The following DCN variants were observed in gnomAD, a reference collection of about 807,000 sequenced individuals.
The protein encoded by DCN is bone proteoglycan II.
In DCN, 17 loss-of-function variants were observed where a neutral mutation model predicts 36.5. The observed-to-expected ratio is 0.47, with a 90% CI of 0.32 to 0.70. The LOEUF (loss-of-function observed/expected upper bound fraction) is 0.70, where lower values mean the gene tolerates loss of function less well. Ranked by LOEUF, DCN falls within the 30% of genes least tolerant of loss-of-function variation. The pLI, the probability that DCN is intolerant of heterozygous loss-of-function variation, is 0.04. For missense variants in DCN, 389 were observed against 430.1 expected, an observed-to-expected ratio of 0.90 and a Z score of 0.84; for synonymous variants, 163 against 161.4, an observed-to-expected ratio of 1.01 and a Z score of -0.07.
chr12:91,157,286 G>C (rs1881849201), intron 4 of DCN, 98 bp from the exon 5 acceptor site: 1 of 854,422 alleles, frequency 1.2e-6, no homozygotes, highest in South Asian at 1.4e-5. Flanking sequence ...AAGAAATAGG[G>C]ATTAATATCA....
intron 7 of DCN, among the ~76,000 whole-genome samples, chr12:91,146,942 T>C (rs758178639): frequency 1.2e-4 from 19 of 152,198 alleles, no homozygotes; most frequent in Non-Finnish European, 2.5e-4. Flanking sequence ...CATTGTTTCC[T>C]TCCAAATGAT....
intron 7 of DCN, among the ~76,000 whole-genome samples, chr12:91,148,219 G>A (rs915927725): frequency 6.6e-5 from 10 of 151,798 alleles, no homozygotes; most frequent in African/African-American, 2.4e-4. Flanking sequence ...GACTACAGGC[G>A]CCCACCACCA....
chr12:91,176,064 A>G (rs1175937972), intron 2 of DCN: 1 of 152,150 alleles, frequency 6.6e-6, no homozygotes, highest in Non-Finnish European at 1.5e-5. Context: ...GAAGAGTTAG[A>G]TAATAGTTAA....
intron 3 of DCN, among the ~76,000 whole-genome samples, chr12:91,159,669 G>A (rs937303607): frequency 1.3e-5 from 2 of 150,962 alleles, no homozygotes; most frequent in African/African-American, 2.4e-5. Flanking sequence ...TTTTATTTCT[G>A]AGTTCTCCTT....
chr12:91,182,525 A>G (rs1268633808), intron 1 of DCN, 130 bp downstream of exon 1: 1 of 151,962 alleles, frequency 6.6e-6, no homozygotes, highest in East Asian at 1.9e-4. Flanking sequence ...AATGTTGCAT[A>G]AAAACTATAA....
At chr12:91,181,150 G>A (rs1156541588) in intron 1 of DCN, among the ~76,000 whole-genome samples, 4 of 117,146 alleles carry the variant, frequency 3.4e-5, no homozygotes, top group Non-Finnish European at 6.8e-5. Flanking sequence ...GTGTGTGTGT[G>A]AGAGAGAGAG....
chr12:91,161,440 T>C (rs1466081923), intron 3 of DCN, among the ~76,000 whole-genome samples: 3 of 152,248 alleles, frequency 2.0e-5, no homozygotes, highest in African/African-American at 4.8e-5. Context: ...AAAAATATTT[T>C]AGTAATCTAA....
chr12:91,168,405 T>A (rs1393245803), intron 2 of DCN, among the ~76,000 whole-genome samples: 1 of 152,240 alleles, frequency 6.6e-6, no homozygotes, highest in Non-Finnish European at 1.5e-5. Flanking sequence ...CATAGATGTA[T>A]AAGTTTAAAC....
intron 2 of DCN, chr12:91,172,360 A>C (rs950380358): frequency 5.2e-5 from 8 of 154,966 alleles, no homozygotes; most frequent in Non-Finnish European, 1.1e-4. Flanking sequence ...TCTGTATTCA[A>C]CTTCATAATT....
intron 2 of DCN, among the ~76,000 whole-genome samples, chr12:91,168,447 G>C (rs2121273389): frequency 6.6e-6 from 1 of 152,220 alleles, no homozygotes; most frequent in African/African-American, 2.4e-5. Context: ...GTCTTTGTTT[G>C]TTTTGTTAGT....
rs1019736063 is a variant in DCN, at chr12:91,142,177, G to C, written c.*3881C>G. 2 of 152,104 alleles carry C rather than the reference G, an allele frequency of 1.3e-5. No homozygotes were observed. Among genetic ancestry groups the C allele is most frequent in the African/African-American group, 4.8e-5 (2 of 41,414 alleles). The allele number at this position is 152,104 out of a possible 1,614,324, so 9.4% of individuals were successfully genotyped here. ...GCAATAAGTGTGGAAACTTAAAATT[G>C]AGCAGCAAAATCAAGAGTGAAATAA... On this transcript the variant is annotated 3_prime_UTR_variant, in exon 8 of 8. Coordinates refer to ENST00000052754, the MANE Select transcript of DCN (RefSeq NM_001920.5).
At chr12:91,159,549 A>G (rs757068069) in intron 3 of DCN, among the ~76,000 whole-genome samples, 1 of 152,088 alleles carries the variant, frequency 6.6e-6, no homozygotes, top group Non-Finnish European at 1.5e-5. Flanking sequence ...GATATGGTCA[A>G]TATGACACAG....
In DCN at chr12:91,157,087, T is replaced by C. The variant is rs1237519767; in HGVS notation, c.640A>G (p.Ser214Gly). The C allele has an allele frequency of 6.3e-7, 1 of 1,590,684 alleles. No individual in the cohort carries two copies. The highest frequency in any genetic ancestry group is 1.7e-5 in the Admixed American group (1 of 59,976). ...AATCTTCTATCACCTTGAGGAATGCTGGTGATATTGGTATCAGCAATGCGG... is the reference window on the plus strand; with the variant it reads ...AATCTTCTATCACCTTGAGGAATGCCGGTGATATTGGTATCAGCAATGCGG... The part of the protein sequence containing the change: ...YIRIADTNIT[S>G]IPQGLPPSLT... Residue 214 changes from serine to glycine, a missense_variant, in exon 5 of 8, where the codon AGC (serine) becomes GGC (glycine). Physicochemically the swap from Ser to Gly is moderately conservative, Grantham distance 56. Transcript: ENST00000052754.
Position 91,178,438 on chromosome 12 carries a change from C to T in DCN, c.115G>A (p.Glu39Lys), listed in dbSNP as rs1484418785. 6 of 1,613,830 alleles carry T rather than the reference C, an allele frequency of 3.7e-6. No individual in the cohort carries two copies. In the South Asian group the frequency reaches 6.6e-5, roughly 18 times the overall value. ...LEDEASGIGP[E>K]VPDDRDFEPS... ...TCGAAGTCGCGGTCATCAGGAACTTCTGGGCCTATCCCAGAAGCCTCATCT... is the reference window on the plus strand; with the variant it reads ...TCGAAGTCGCGGTCATCAGGAACTTTTGGGCCTATCCCAGAAGCCTCATCT... Residue 39 changes from glutamate (E) to lysine (K), a missense_variant, in exon 2 of 8, where the codon GAA (glutamate) becomes AAA (lysine). By Grantham distance (56) the Glu-to-Lys change is moderately conservative. Transcript: ENST00000052754.
chr12:91,176,196 T>C (rs1883278291), intron 2 of DCN: 1 of 152,156 alleles, frequency 6.6e-6, no homozygotes, highest in African/African-American at 2.4e-5. Flanking sequence ...TATTCATCTG[T>C]AAATTTTAAA....
intron 2 of DCN, among the ~76,000 whole-genome samples, chr12:91,165,543 A>G (rs533202582): frequency 6.6e-6 from 1 of 152,274 alleles, no homozygotes; most frequent in South Asian, 2.1e-4. Context: ...AGAATTATAC[A>G]AAAGGCAGTT....
chr12:91,160,801 A>G lies in DCN; in HGVS notation c.325-2292T>C, dbSNP rs189999763. Among the ~76,000 whole-genome samples, 12 of 152,292 alleles carry G rather than the reference A, an allele frequency of 7.9e-5. No individual in the cohort carries two copies. In the East Asian group the frequency reaches 1.3e-3, roughly 17 times the overall value. The stretch of plus-strand genomic sequence containing the variant: ...TCCTTACTCAACTTATTAAGCTTCA[A>G]TTCAAAGAAAATATATTAAATGTTG... On this transcript the variant is annotated intron_variant, in intron 3 of 7. Transcript: ENST00000052754.
At position 91,142,819 on chromosome 12, in the gene DCN, C is replaced by G. The variant is rs1880793839; in HGVS notation, c.*3239G>C. ...TTTATGTGAAGCACCCATAATCGAA[C>G]AACAGTTTTAATGAAAACAAAAAAA... is the stretch of plus-strand genomic sequence containing the variant. On this transcript the variant is annotated 3_prime_UTR_variant, in exon 8 of 8. Coordinates refer to ENST00000052754, the MANE Select transcript of DCN (RefSeq NM_001920.5). 6.6e-6 allele frequency: 1 copy of G among 151,920 alleles called. No homozygotes were observed. Among genetic ancestry groups the G allele is most frequent in the Non-Finnish European group, 1.5e-5 (1 of 67,970 alleles). 9.4% of individuals were successfully genotyped at this position (151,920 alleles called of 1,614,324 possible). A position where few individuals can be genotyped will look rare whatever the true frequency, so the allele number is the denominator to read the frequency against.
intron 1 of DCN, chr12:91,179,782 C>T (rs1479259531): frequency 3.3e-5 from 5 of 152,028 alleles, no homozygotes; most frequent in Non-Finnish European, 5.9e-5. Flanking sequence ...TAAGCAAGAT[C>T]GGCTTTAAAA....
Sources: gnomAD v4.1 joint callset for allele counts (sites outside exome capture counted in the v4.1 genomes callset) on GRCh38, gnomAD v4.1.1 for gene constraint, MANE v1.5 for transcripts, NCBI Gene and HGNC (gene_info 2026-07-23, HGNC 2026-07-21) for gene names.